The following OSBPL1A variants were observed in gnomAD, a reference collection of about 807,000 sequenced individuals.
OSBPL1A encodes oxysterol binding protein like 1A.
OSBPL1A carries 80 observed loss-of-function variants against 137.1 expected under a neutral mutation model. That is an observed-to-expected ratio of 0.58 (90% CI 0.49 to 0.70). The LOEUF (loss-of-function observed/expected upper bound fraction) is 0.70. Ranked by LOEUF, OSBPL1A falls within the 30% of genes least tolerant of loss-of-function variation. The pLI, the probability that OSBPL1A is intolerant of heterozygous loss-of-function variation, is 0.00. For synonymous variants in OSBPL1A, 365 were observed against 389.7 expected, an observed-to-expected ratio of 0.94 and a Z score of 0.75; for missense variants, 970 against 1,129.4, an observed-to-expected ratio of 0.86 and a Z score of 2.02.
At chr18:24,303,862 A>C in intron 13 of OSBPL1A, 144 bp from the exon 14 acceptor site, 1 of 604,456 alleles carries the variant, frequency 1.7e-6, no homozygotes, top group Non-Finnish European at 2.9e-6. Flanking sequence ...GAAAAAGGTG[A>C]GAGAAAATTT....
chr18:24,198,083 C>T (rs1018070333), intron 17 of OSBPL1A, among the ~76,000 whole-genome samples: 8 of 152,140 alleles, frequency 5.3e-5, no homozygotes, highest in Non-Finnish European at 1.2e-4. Context: ...CTACCGCGCC[C>T]AGCCAAATTT....
chr18:24,278,510 T>A (rs2089892831), intron 15 of OSBPL1A, among the ~76,000 whole-genome samples: 1 of 152,338 alleles, frequency 6.6e-6, no homozygotes, highest in Non-Finnish European at 1.5e-5. Context: ...AAGAGGTCAA[T>A]TAGCCTAAAC....
intron 23 of OSBPL1A, among the ~76,000 whole-genome samples, chr18:24,171,098 G>C (rs1236086234): frequency 6.6e-6 from 1 of 150,838 alleles, no homozygotes; most frequent in African/African-American, 2.4e-5. Context: ...GTGGTGGTGC[G>C]ATCTCGGCTC....
intron 4 of OSBPL1A, chr18:24,358,248 G>C: frequency 1.9e-6 from 1 of 518,254 alleles, no homozygotes; most frequent in Non-Finnish European, 3.4e-6. Flanking sequence ...AGGGTTTCCA[G>C]AGTATCCACG....
intron 4 of OSBPL1A, chr18:24,358,457 C>T (rs1417695870): frequency 4.3e-6 from 3 of 702,230 alleles, no homozygotes; most frequent in Non-Finnish European, 7.8e-6. Flanking sequence ...ATGCCACGAG[C>T]ACTCCATAAA....
At chr18:24,289,418 G>GTTTTTTT (rs536281272) in intron 14 of OSBPL1A, among the ~76,000 whole-genome samples, 18 of 94,202 alleles carry the variant, frequency 1.9e-4, no homozygotes, top group Non-Finnish European at 2.4e-4. Context: ...GTTTTTTCCT[G>GTTTTTTT]TTTTTTTTTT....
At chr18:24,269,781 T>C (rs186796913) in intron 15 of OSBPL1A, among the ~76,000 whole-genome samples, 137 of 151,530 alleles carry the variant, frequency 9.0e-4, no homozygotes, top group Middle Eastern at 6.9e-3. Flanking sequence ...CAGATTATAG[T>C]CTTGGTACCA....
chr18:24,208,304 C>G (rs2087432495), intron 17 of OSBPL1A, among the ~76,000 whole-genome samples: 1 of 152,084 alleles, frequency 6.6e-6, no homozygotes, highest in African/African-American at 2.4e-5. Context: ...AAAATCTTTA[C>G]ATAGTTCATC....
At chr18:24,386,557 C>CA (rs1358052430) in intron 1 of OSBPL1A, among the ~76,000 whole-genome samples, 4 of 152,174 alleles carry the variant, frequency 2.6e-5, no homozygotes, top group Admixed American at 2.6e-4. Flanking sequence ...TGCTAACAAG[C>CA]ATTTTCACTG....
intron 2 of OSBPL1A, among the ~76,000 whole-genome samples, chr18:24,375,643 C>A (rs574728126): frequency 2.0e-5 from 3 of 152,268 alleles, no homozygotes; most frequent in African/African-American, 7.2e-5. Flanking sequence ...CAGTTTCACA[C>A]CTCTCCCATG....
Position 24,225,159 on chromosome 18 carries a change from A to G in OSBPL1A, c.1484T>C (p.Val495Ala). ...TTCCTCTTCAAAGGAGCGTGCTGTC[A>G]CTGCTTCCAATCTACTCAGGGACCT... ...SERSLSRLEAVTARSFEEEGE... is the reference protein window; with the variant it reads ...SERSLSRLEAATARSFEEEGE... The change falls in exon 17 of 28, where the codon GTG becomes GCG. Residue 495 changes from valine to alanine, a missense_variant. Physicochemically the swap from Val to Ala is moderately conservative, Grantham distance 64. Around this residue, in one of 2 missense-constraint regions of OSBPL1A, gnomAD observed 647 missense variants for 672.6 expected, o/e 0.96. Transcript: ENST00000319481. The G allele has an allele frequency of 7.4e-6, 12 of 1,614,136 alleles. No individual in the cohort carries two copies. The highest frequency in any genetic ancestry group is 1.0e-5 in the Non-Finnish European group (12 of 1,179,988).
chr18:24,368,809 T>C (rs1251037383), intron 2 of OSBPL1A, among the ~76,000 whole-genome samples: 1 of 152,204 alleles, frequency 6.6e-6, no homozygotes, highest in Non-Finnish European at 1.5e-5. Context: ...TGTACACCTG[T>C]ACCACATCAA....
chr18:24,249,443 T>A (rs1161177954), intron 15 of OSBPL1A, among the ~76,000 whole-genome samples: 1 of 152,086 alleles, frequency 6.6e-6, no homozygotes, highest in Non-Finnish European at 1.5e-5. Flanking sequence ...AAAAGCACCA[T>A]CACAAGAACC....
At position 24,281,436 on chromosome 18, in the gene OSBPL1A, G is replaced by A. The variant is rs1290178057; in HGVS notation, c.1175-488C>T. 3.3e-5 allele frequency among the ~76,000 whole-genome samples: 5 copies of A among 150,906 alleles called. No individual in the cohort carries two copies. In the East Asian group the frequency reaches 9.8e-4, roughly 30 times the overall value. The stretch of plus-strand genomic sequence containing the variant: ...ACAGTCTCACTCTGTGGCCCAGGCT[G>A]GAGTGCAGTGGAGTAATCTCGGCTT... On this transcript the variant is annotated intron_variant, in intron 14 of 27. Coordinates refer to ENST00000319481, the MANE Select transcript of OSBPL1A (RefSeq NM_080597.4).
At chr18:24,186,212 G>A (rs927765973) in intron 18 of OSBPL1A, among the ~76,000 whole-genome samples, 6 of 152,076 alleles carry the variant, frequency 3.9e-5, no homozygotes, top group Non-Finnish European at 8.8e-5. Flanking sequence ...AAAAAGAGTA[G>A]CAAAAAAAGT....
intron 1 of OSBPL1A, among the ~76,000 whole-genome samples, chr18:24,392,441 G>A (rs879097576): frequency 6.6e-6 from 1 of 152,150 alleles, no homozygotes; most frequent in Non-Finnish European, 1.5e-5. Context: ...TTACAGGCGT[G>A]AGCCACCACA....
rs1347929487 is a variant in OSBPL1A, at chr18:24,173,303, G to A, written c.2094-820C>T. Among the ~76,000 whole-genome samples the A allele has an allele frequency of 3.3e-5, 5 of 152,236 alleles. No individual in the cohort carries two copies. The East Asian group carries it at 9.7e-4, about 29-fold the overall frequency. On this transcript the variant is annotated intron_variant, in intron 21 of 27. Coordinates refer to ENST00000319481, the MANE Select transcript of OSBPL1A (RefSeq NM_080597.4). ...AGAAAAAATAAGTATTGGGTACTAC[G>A]CTTAGTACCTGGGTGACGAAACAAA...
At chr18:24,229,866 C>G (rs1479750975) in intron 16 of OSBPL1A, among the ~76,000 whole-genome samples, 1 of 152,016 alleles carries the variant, frequency 6.6e-6, no homozygotes, top group African/African-American at 2.4e-5. Context: ...TTCTTGTGCC[C>G]CAGCCTCCCA....
chr18:24,167,298 G>A (rs765485583), intron 25 of OSBPL1A, 31 bp downstream of exon 25: 5 of 1,576,468 alleles, frequency 3.2e-6, no homozygotes, highest in Non-Finnish European at 4.4e-6. Context: ...AACACAGACA[G>A]TGAGGCCACA....
Sources: gnomAD v4.1 joint callset for allele counts (sites outside exome capture counted in the v4.1 genomes callset) on GRCh38, gnomAD v4.1.1 for gene constraint, gnomAD v4.1.1 regional missense constraint, MANE v1.5 for transcripts, NCBI Gene and HGNC (gene_info 2026-07-23, HGNC 2026-07-21) for gene names.